Variants in ABCC9 observed in about 807,000 individuals in gnomAD.
ABCC9 encodes the protein ATP-binding cassette sub-family C member 9.
A neutral mutation model predicts 188.3 loss-of-function variants in ABCC9; 95 were observed. That is an observed-to-expected ratio of 0.50 (90% CI 0.43 to 0.60). The LOEUF (loss-of-function observed/expected upper bound fraction) is 0.60, where lower values mean the gene tolerates loss of function less well. Among genes scored for constraint, ABCC9 ranks in the 20% least tolerant of loss-of-function variants. The probability of loss-of-function intolerance (pLI) is 0.00; values close to 1 mark genes in which losing one functional copy is unlikely to be tolerated. For synonymous variants in ABCC9, 659 were observed against 652.7 expected (o/e 1.01, Z -0.15); for missense variants, 1,102 against 1,876.3 (o/e 0.59, Z 7.62).
intron 29 of ABCC9, among the ~76,000 whole-genome samples, chr12:21,839,472 C>T (rs1236464283): frequency 1.3e-5 from 2 of 152,100 alleles, no homozygotes; most frequent in African/African-American, 2.4e-5. Flanking sequence ...CTCTAAGGAA[C>T]CACATGTACA....
intron 34 of ABCC9, 103 bp from the exon 35 acceptor site, chr12:21,814,825 T>C: frequency 1.1e-6 from 1 of 885,882 alleles, no homozygotes; most frequent in African/African-American, 1.7e-5. Flanking sequence ...AAAACTGTAA[T>C]TATGTTTAAA....
Position 21,860,964 on chromosome 12 carries a change from A to C in ABCC9, c.2424+7T>G. On this transcript the variant is annotated splice_region_variant and intron_variant, in intron 21 of 39. Coordinates refer to ENST00000261200, the MANE Select transcript of ABCC9 (RefSeq NM_020297.4). The stretch of plus-strand genomic sequence containing the variant: ...TTCATTGCTTAATGAAACTATATAT[A>C]GCTCACCCTCTCTCCAATTTCAGTT... The C allele has an allele frequency of 6.2e-7, 1 of 1,605,568 alleles. No individual in the cohort carries two copies. The highest frequency in any genetic ancestry group is 8.5e-7 in the Non-Finnish European group (1 of 1,172,722).
intron 30 of ABCC9, among the ~76,000 whole-genome samples, 168 bp downstream of exon 30, chr12:21,837,910 C>G (rs1189700917): frequency 6.6e-6 from 1 of 152,128 alleles, no homozygotes; most frequent in African/African-American, 2.4e-5. Context: ...TGAGTAAACT[C>G]TAACTCTGAT....
intron 12 of ABCC9, among the ~76,000 whole-genome samples, chr12:21,901,749 G>A (rs953980474): frequency 8.5e-5 from 13 of 152,132 alleles, no homozygotes; most frequent in African/African-American, 3.1e-4. Context: ...AACAAGAAGA[G>A]CTAACTATCC....
chr12:21,910,257 TC>T lies in ABCC9; in HGVS notation c.1219del (p.Glu407ArgfsTer2). 1 of 1,607,684 alleles carries T rather than the reference TC, an allele frequency of 6.2e-7. No individual in the cohort carries two copies. On this transcript the variant is annotated frameshift_variant, in exon 10 of 40. Coordinates refer to ENST00000261200, the MANE Select transcript of ABCC9 (RefSeq NM_020297.4). LOFTEE classifies it high-confidence loss of function. ...GTTGTTGATCTGCCCCAGAGTCATC[TC>T]CCCCATGGATAAGTTAGACGTAGAG... ...RLSTSNLSMG[E>X]MTLGQINNLV... is the part of the protein sequence containing the mutation.
chr12:21,821,063 C>T (rs1374753597), intron 31 of ABCC9, among the ~76,000 whole-genome samples: 2 of 152,132 alleles, frequency 1.3e-5, no homozygotes, highest in Non-Finnish European at 2.9e-5. Context: ...GATAAATTCA[C>T]CCCTTCATAA....
chr12:21,895,434 T>A (rs1388249632), intron 12 of ABCC9, 119 bp from the exon 13 acceptor site: 4 of 881,944 alleles, frequency 4.5e-6, no homozygotes, highest in African/African-American at 3.3e-5. Flanking sequence ...GAGTATTAAA[T>A]GTCATTTTGT....
chr12:21,810,329 C>T (rs1942147689), intron 36 of ABCC9, among the ~76,000 whole-genome samples: 1 of 152,090 alleles, frequency 6.6e-6, no homozygotes, highest in Non-Finnish European at 1.5e-5. Context: ...GAGCATATTA[C>T]ACTATTTTAG....
chr12:21,881,527 A>T (rs1433968852), intron 16 of ABCC9, among the ~76,000 whole-genome samples: 1 of 152,182 alleles, frequency 6.6e-6, no homozygotes, highest in Admixed American at 6.5e-5. Flanking sequence ...GATTCCTACT[A>T]TAGTGAACAG....
chr12:21,916,176 A>G (rs908987635), intron 6 of ABCC9, among the ~76,000 whole-genome samples: 1 of 152,174 alleles, frequency 6.6e-6, no homozygotes, highest in Non-Finnish European at 1.5e-5. Flanking sequence ...AGTTTTTACT[A>G]AGAGTCAGTG....
Position 21,912,933 on chromosome 12 carries a change from CAA to C in ABCC9, c.948_949del (p.Cys317TyrfsTer10), listed in dbSNP as rs771232310. 1 of 1,613,518 alleles carries C rather than the reference CAA, an allele frequency of 6.2e-7. No individual in the cohort carries two copies. The highest frequency in any genetic ancestry group is 8.5e-7 in the Non-Finnish European group (1 of 1,179,690). Reference sequence around the variant, plus strand: ...CACACGCTGAACTATTCCAGAAATACAAAGAGGTCCAGCAAAACCCAGTAAAT... The same window carrying C: ...CACACGCTGAACTATTCCAGAAATACAGAGGTCCAGCAAAACCCAGTAAAT... On this transcript the variant is annotated frameshift_variant, in exon 8 of 40. Coordinates refer to ENST00000261200, the MANE Select transcript of ABCC9 (RefSeq NM_020297.4). LOFTEE classifies it high-confidence loss of function.
At chr12:21,851,895 A>G (rs1298139271) in intron 24 of ABCC9, among the ~76,000 whole-genome samples, 1 of 141,542 alleles carries the variant, frequency 7.1e-6, no homozygotes, top group African/African-American at 2.6e-5. Flanking sequence ...CACCTCATCC[A>G]AAGATGGCAT....
intron 12 of ABCC9, among the ~76,000 whole-genome samples, chr12:21,897,341 A>G (rs1947477822): frequency 1.3e-5 from 2 of 152,140 alleles, no homozygotes; most frequent in African/African-American, 4.8e-5. Flanking sequence ...ATAGATCGCA[A>G]ACATTTCCTC....
intron 12 of ABCC9, among the ~76,000 whole-genome samples, chr12:21,903,494 C>A (rs1185540054): frequency 1.3e-5 from 2 of 152,188 alleles, no homozygotes; most frequent in African/African-American, 4.8e-5. Context: ...CAAATTATCC[C>A]TGTTTGCAGA....
rs369608273 is a variant in ABCC9 at position 21,809,912 on chromosome 12, A to G, written c.4255T>C (p.Trp1419Arg). Residue 1419 changes from tryptophan (W) to arginine (R), a missense_variant, in exon 37 of 40, where the codon TGG becomes CGG. By Grantham distance (101) the Trp-to-Arg change is moderately radical. Around this residue, in one of 12 missense-constraint regions of ABCC9, gnomAD observed 67 missense variants for 101.0 expected, o/e 0.66. Coordinates refer to ENST00000261200, the MANE Select transcript of ABCC9 (RefSeq NM_020297.4). ...AGCTGAGCAATTTCTAAGGCTTCCC[A>G]GAGTCTGTCATCTGTGCATTTGCAC... ...PECKCTDDRL[W>R]EALEIAQLKN... The G allele has an allele frequency of 1.2e-6, 2 of 1,612,824 alleles. No homozygotes were observed. Among genetic ancestry groups the G allele is most frequent in the Non-Finnish European group, 1.7e-6 (2 of 1,179,456 alleles).
intron 18 of ABCC9, among the ~76,000 whole-genome samples, chr12:21,870,211 C>A (rs112182885): frequency 6.6e-6 from 1 of 150,874 alleles, no homozygotes; most frequent in Non-Finnish European, 1.5e-5. Flanking sequence ...AAGAATTAAC[C>A]TTTTATTGAC....
intron 6 of ABCC9, among the ~76,000 whole-genome samples, chr12:21,916,610 C>T (rs1210578655): frequency 1.3e-5 from 2 of 152,026 alleles, no homozygotes; most frequent in Admixed American, 6.6e-5. Context: ...TTTGCTTAAC[C>T]CAGGTGTGCT....
intron 2 of ABCC9, among the ~76,000 whole-genome samples, chr12:21,937,365 A>G (rs750465684): frequency 6.6e-6 from 1 of 152,204 alleles, no homozygotes; most frequent in Non-Finnish European, 1.5e-5. Context: ...TTTGAAACGC[A>G]GGATGTCTTT....
At chr12:21,825,300 C>T (rs113624705) in intron 31 of ABCC9, among the ~76,000 whole-genome samples, 130 of 152,290 alleles carry the variant, frequency 8.5e-4, no homozygotes, top group African/African-American at 3.0e-3. Context: ...TGGGTATATA[C>T]TCAAAGGATT....
Sources: gnomAD v4.1 joint callset for allele counts (sites outside exome capture counted in the v4.1 genomes callset) on GRCh38, gnomAD v4.1.1 for gene constraint, gnomAD v4.1.1 regional missense constraint, MANE v1.5 for transcripts, NCBI Gene and HGNC (gene_info 2026-07-23, HGNC 2026-07-21) for gene names.